SLC8B1: variants seen among roughly 807,000 people sequenced by gnomAD.
SLC8B1 encodes solute carrier family 8 member B1.
A neutral mutation model predicts 63.4 loss-of-function variants in SLC8B1; 52 were observed. The observed-to-expected ratio is 0.82, with a 90% CI of 0.66 to 1.03. The LOEUF (loss-of-function observed/expected upper bound fraction) is 1.03. Among genes scored for constraint, SLC8B1 ranks in the 50% least tolerant of loss-of-function variants. SLC8B1 has a pLI of 0.00. For missense variants in SLC8B1, 657 were observed against 741.7 expected (o/e 0.89, Z 1.33); for synonymous variants, 336 against 323.9 (o/e 1.04, Z -0.40).
intron 11 of SLC8B1, among the ~76,000 whole-genome samples, chr12:113,310,875 C>T (rs1054277897): frequency 1.4e-4 from 21 of 152,228 alleles, no homozygotes; most frequent in South Asian, 2.1e-4. Context: ...CTAGAATTCT[C>T]CACACATCAC....
intron 13 of SLC8B1, 80 bp from the exon 14 acceptor site, chr12:113,306,655 C>A (rs756930861): frequency 6.2e-5 from 74 of 1,184,066 alleles, no homozygotes; most frequent in Non-Finnish European, 8.6e-5. Context: ...CATTCTCACC[C>A]ACGGTCATTC....
intron 7 of SLC8B1, 56 bp from the exon 8 acceptor site, chr12:113,319,127 C>T: frequency 7.4e-7 from 1 of 1,345,348 alleles, no homozygotes; most frequent in East Asian, 2.3e-5. Context: ...GTCTAGAGAA[C>T]AACAGCTGGC....
At chr12:113,326,705 G>GTTTTT in intron 2 of SLC8B1, among the ~76,000 whole-genome samples, 1 of 146,980 alleles carries the variant, frequency 6.8e-6, no homozygotes, top group Non-Finnish European at 1.5e-5. Context: ...TTGAGACAAG[G>GTTTTT]TCTCACTGTT....
At chr12:113,321,400 T>C in intron 2 of SLC8B1, 52 bp from the exon 3 acceptor site, 1 of 1,612,844 alleles carries the variant, frequency 6.2e-7, no homozygotes, top group South Asian at 1.1e-5. Context: ...CCCTGAGAAC[T>C]AGACTAGGCC....
In SLC8B1 at chr12:113,321,229, A is replaced by G; in HGVS notation, c.276T>C (p.Pro92=). 6.2e-7 allele frequency: 1 copy of G among 1,614,166 alleles called. No homozygotes were observed. The highest frequency in any genetic ancestry group is 8.5e-7 in the Non-Finnish European group (1 of 1,180,008). The change falls in exon 3 of 16, where the codon CCT becomes CCC. Residue 92 remains proline (P), a synonymous_variant. Coordinates refer to ENST00000680972, the MANE Select transcript of SLC8B1 (RefSeq NM_001358345.2). ...TGACAGCCAGAGGGAGGAGGCTGGG[A>G]GGGAAGTGGCAGAAGATGCCTTCCA... ...DYLEGIFCHF[P]PSLLPLAVTL...
intron 1 of SLC8B1, 39 bp downstream of exon 1, chr12:113,334,404 A>C (rs1957100486): frequency 6.6e-6 from 1 of 152,068 alleles, no homozygotes; most frequent in African/African-American, 2.4e-5. Flanking sequence ...GGAGGGGAAG[A>C]GAGGTCAGAA....
rs534349805 is a variant in SLC8B1 at position 113,299,993 on chromosome 12, A to G, written c.1558-19T>C. The G allele has an allele frequency of 1.1e-5, 18 of 1,610,290 alleles. No individual in the cohort carries two copies. Among genetic ancestry groups the G allele is most frequent in the East Asian group, 2.2e-5 (1 of 44,842 alleles). ...GCTCCAGCTGTGGAAGAATGAGGGG[A>G]GAGAGGCTGAGTCACTGCCCGTCAC... is the stretch of plus-strand genomic sequence containing the variant. On this transcript the variant is annotated intron_variant, in intron 15 of 15. Coordinates refer to ENST00000680972, the MANE Select transcript of SLC8B1 (RefSeq NM_001358345.2).
chr12:113,328,238 A>T (rs747839389), intron 2 of SLC8B1, among the ~76,000 whole-genome samples: 3 of 152,156 alleles, frequency 2.0e-5, no homozygotes, highest in Non-Finnish European at 4.4e-5. Context: ...CTTGTTGGCC[A>T]GGCTAGTCTC....
chr12:113,328,023 ATTAT>A lies in SLC8B1; in HGVS notation c.156+4696_156+4699del, dbSNP rs200229202. 9.6e-3 allele frequency among the ~76,000 whole-genome samples: 1,139 copies of A among 118,810 alleles called. 15 individuals are homozygous for A. Among genetic ancestry groups the A allele is most frequent in the African/African-American group, 0.038 (1,059 of 27,662 alleles). 77.9% of individuals were successfully genotyped at this position (118,810 alleles called of 152,430 possible). On this transcript the variant is annotated intron_variant, in intron 2 of 15. Coordinates refer to ENST00000680972, the MANE Select transcript of SLC8B1 (RefSeq NM_001358345.2). ...TTGCATTATCATCATCTAAGTTTTA[ATTAT>A]TTATTTATTTATTTATTTATTTAGA...
intron 15 of SLC8B1, chr12:113,302,479 C>G (rs1021154962): frequency 2.9e-6 from 1 of 344,832 alleles, no homozygotes. Flanking sequence ...TATGGCAGCA[C>G]TAGGGAACTA....
Position 113,299,753 on chromosome 12 carries a change from G to C in SLC8B1, c.*24C>G, listed in dbSNP as rs1395238878. 1.2e-6 allele frequency: 2 copies of C among 1,609,968 alleles called. No individual in the cohort carries two copies. The highest frequency in any genetic ancestry group is 1.7e-6 in the Non-Finnish European group (2 of 1,176,806). On this transcript the variant is annotated 3_prime_UTR_variant, in exon 16 of 16. Coordinates refer to ENST00000680972, the MANE Select transcript of SLC8B1 (RefSeq NM_001358345.2). ...GGGGCGGGGCTCCTGCCTGCAGTGA[G>C]GCCACAGCACTAAGCGGCTTCAGTC...
chr12:113,303,830 A>C (rs975098663), intron 15 of SLC8B1, among the ~76,000 whole-genome samples: 2 of 152,062 alleles, frequency 1.3e-5, no homozygotes, highest in African/African-American at 4.8e-5. Flanking sequence ...TGGTGTCATC[A>C]ATCTCATTTT....
intron 15 of SLC8B1, chr12:113,302,237 G>C (rs191283642): frequency 6.2e-6 from 1 of 160,788 alleles, no homozygotes; most frequent in Admixed American, 6.0e-5. Context: ...TCATGTCTCC[G>C]TAAGAAGAAG....
chr12:113,320,560 C>T lies in SLC8B1; in HGVS notation c.526+21G>A, dbSNP rs779944692. ...CCTCTCCTGCTGCTTTCCCCGCCCC[C>T]CTCACTGGGGCTGCTCTCACCAAAC... On this transcript the variant is annotated intron_variant, in intron 6 of 15. Transcript: ENST00000680972. The surrounding 1 kb of genome is among the most constrained non-coding windows in gnomAD (Gnocchi z 5.3). 6.2e-7 allele frequency: 1 copy of T among 1,613,884 alleles called. No homozygotes were observed. Among genetic ancestry groups the T allele is most frequent in the Non-Finnish European group, 8.5e-7 (1 of 1,179,974 alleles).
chr12:113,318,546 G>A (rs1956876088), intron 8 of SLC8B1, among the ~76,000 whole-genome samples: 1 of 151,886 alleles, frequency 6.6e-6, no homozygotes, highest in African/African-American at 2.4e-5. Flanking sequence ...TGTGTGAGTT[G>A]TGTATTTGTG....
In SLC8B1 at chr12:113,316,613, A is replaced by G; in HGVS notation, c.906T>C (p.Ala302=). 6.2e-7 allele frequency: 1 copy of G among 1,614,132 alleles called. No homozygotes were observed. The highest frequency in any genetic ancestry group is 8.5e-7 in the Non-Finnish European group (1 of 1,180,028). The change falls in exon 10 of 16, where the codon GCT becomes GCC. Residue 302 remains alanine (A), a synonymous_variant. Transcript: ENST00000680972. Reference sequence around the variant, plus strand: ...GATTGAGGGCCCGGACCAGGATCTGAGCCGTGGTCTCCTGGTAGAAGAACA... The same window carrying G: ...GATTGAGGGCCCGGACCAGGATCTGGGCCGTGGTCTCCTGGTAGAAGAACA... ...RPLFFYQETT[A]QILVRALNPL...
chr12:113,316,004 C>G (rs568591830), intron 10 of SLC8B1, among the ~76,000 whole-genome samples: 3 of 152,176 alleles, frequency 2.0e-5, no homozygotes, highest in African/African-American at 7.2e-5. Flanking sequence ...GCGGGCGGAT[C>G]ACGAGGTCAG....
chr12:113,318,192 C>T (rs1956864657), intron 8 of SLC8B1, among the ~76,000 whole-genome samples: 1 of 150,396 alleles, frequency 6.6e-6, no homozygotes, highest in South Asian at 2.1e-4. Flanking sequence ...ATGTGTTGCA[C>T]ATGTATGTGC....
Position 113,303,757 on chromosome 12 carries a change from G to A in SLC8B1, c.1557+564C>T, listed in dbSNP as rs1956632235. ...CACATCTCTGTCACCTCCCCTGTGG[G>A]CAGTGCTGGGATATGGTGCTCAGTC... On this transcript the variant is annotated intron_variant, in intron 15 of 15. Coordinates refer to ENST00000680972, the MANE Select transcript of SLC8B1 (RefSeq NM_001358345.2). Among the ~76,000 whole-genome samples, 2 of 151,980 alleles carry A rather than the reference G, an allele frequency of 1.3e-5. 1 individual carries two copies. Among genetic ancestry groups the A allele is most frequent in the South Asian group, 4.1e-4 (2 of 4,820 alleles).
Sources: gnomAD v4.1 joint callset for allele counts (sites outside exome capture counted in the v4.1 genomes callset) on GRCh38, gnomAD v4.1.1 for gene constraint, Gnocchi (gnomAD v3.1) non-coding constraint, MANE v1.5 for transcripts, NCBI Gene and HGNC (gene_info 2026-07-23, HGNC 2026-07-21) for gene names.